The following RASGEF1A variants were observed in gnomAD, a reference collection of about 807,000 sequenced individuals.
The protein encoded by RASGEF1A is ras-GEF domain-containing family member 1A.
A neutral mutation model predicts 56.4 loss-of-function variants in RASGEF1A; 18 were observed. The ratio of observed to expected loss-of-function variants is 0.32; its 90% CI spans 0.22 to 0.47. The LOEUF is 0.47. RASGEF1A is among the 20% of genes least tolerant of loss of function. RASGEF1A has a pLI of 1.00. For synonymous variants in RASGEF1A, 245 were observed against 242.6 expected (o/e 1.01, Z -0.09); for missense variants, 422 against 627.1 (o/e 0.67, Z 3.49).
At chr10:43,201,701 A>C (rs1021497934) in intron 4 of RASGEF1A, 107 bp downstream of exon 4, 23 of 1,204,860 alleles carry the variant, frequency 1.9e-5, no homozygotes, top group Non-Finnish European at 2.5e-5. Flanking sequence ...TGGGGGAGTA[A>C]CATGGAAGGG....
At chr10:43,200,311 G>C in intron 5 of RASGEF1A, 55 bp from the exon 6 acceptor site, 1 of 1,453,236 alleles carries the variant, frequency 6.9e-7, no homozygotes, top group Non-Finnish European at 9.5e-7. Context: ...AGAAGGGACA[G>C]CACTGCATAG....
intron 1 of RASGEF1A, among the ~76,000 whole-genome samples, chr10:43,216,992 C>A (rs1268719850): frequency 4.6e-5 from 7 of 152,206 alleles, no homozygotes; most frequent in Non-Finnish European, 8.8e-5. Context: ...CCCTGCCAGT[C>A]CAGAGCTGCA....
At chr10:43,221,542 C>A (rs1045962129) in intron 1 of RASGEF1A, among the ~76,000 whole-genome samples, 22 of 152,232 alleles carry the variant, frequency 1.4e-4, no homozygotes, top group Non-Finnish European at 1.2e-4. Context: ...GGGCAACCAG[C>A]ACAGGGCTCC....
chr10:43,214,257 C>T (rs1840105832), intron 1 of RASGEF1A, among the ~76,000 whole-genome samples: 1 of 152,234 alleles, frequency 6.6e-6, no homozygotes, highest in Non-Finnish European at 1.5e-5. Context: ...CGTGCACCCA[C>T]TCATGTGTCC....
At chr10:43,200,134 C>T (rs1249218314) in intron 6 of RASGEF1A, 48 bp downstream of exon 6, 1 of 1,480,888 alleles carries the variant, frequency 6.8e-7, no homozygotes. Context: ...AGCGCAAGTG[C>T]TGGGCAGACA....
At chr10:43,264,576 C>T (rs1836590887) in intron 1 of RASGEF1A, among the ~76,000 whole-genome samples, 1 of 150,868 alleles carries the variant, frequency 6.6e-6, no homozygotes, top group Non-Finnish European at 1.5e-5. Flanking sequence ...TTACAGGAGG[C>T]AGATTGGAAG....
Position 43,206,078 on chromosome 10 carries a change from C to A in RASGEF1A, c.39G>T (p.Gly13=), listed in dbSNP as rs1839991562. The A allele has an allele frequency of 6.2e-7, 1 of 1,602,676 alleles. No homozygotes were observed. The highest frequency in any genetic ancestry group is 1.3e-5 in the African/African-American group (1 of 74,938). The change falls in exon 2 of 13, where the codon GGG becomes GGT. Residue 13 remains glycine (G), a synonymous_variant. Transcript: ENST00000395810. ...QTSVVFSSIL[G]PSCSGQVQPG... ...GCTGCACCTGTCCGCTACAGCTGGG[C>A]CCAAGGATGCTGGAGAAGACAACGG...
intron 1 of RASGEF1A, chr10:43,208,260 G>A: frequency 1.0e-6 from 1 of 985,466 alleles, no homozygotes; most frequent in Non-Finnish European, 1.2e-6. Context: ...CCGAGCCACT[G>A]GCCTCTCCCA....
intron 2 of RASGEF1A, among the ~76,000 whole-genome samples, chr10:43,204,202 ACT>A: frequency 6.6e-6 from 1 of 151,080 alleles, no homozygotes; most frequent in Middle Eastern, 3.5e-3. Flanking sequence ...TCCTAGAGGG[ACT>A]CTGCCCCACG....
At chr10:43,262,916 G>T (rs913746631) in intron 1 of RASGEF1A, among the ~76,000 whole-genome samples, 4 of 152,340 alleles carry the variant, frequency 2.6e-5, no homozygotes, top group Middle Eastern at 6.8e-3. Context: ...CTAGAGTGGG[G>T]TGTGCTAGAC....
At chr10:43,229,564 C>G (rs1041846794) in intron 1 of RASGEF1A, 3 of 1,303,254 alleles carry the variant, frequency 2.3e-6, no homozygotes, top group African/African-American at 1.5e-5. Flanking sequence ...AGGGGACCGT[C>G]GCACCCCTCC....
At chr10:43,256,628 CTCAG>C (rs1270452433) in intron 1 of RASGEF1A, among the ~76,000 whole-genome samples, 2 of 152,174 alleles carry the variant, frequency 1.3e-5, no homozygotes, top group Admixed American at 1.3e-4. Context: ...GACTCTGGAC[CTCAG>C]CCGCTTCCCC....
intron 1 of RASGEF1A, among the ~76,000 whole-genome samples, chr10:43,260,765 C>G (rs2133231683): frequency 6.6e-6 from 1 of 152,318 alleles, no homozygotes; most frequent in South Asian, 2.1e-4. Context: ...GCATGTAGCC[C>G]TCGACGGCCG....
chr10:43,252,981 C>G (rs1207453767), intron 1 of RASGEF1A, among the ~76,000 whole-genome samples: 1 of 152,226 alleles, frequency 6.6e-6, no homozygotes, highest in Admixed American at 6.5e-5. Context: ...CACCGCACCC[C>G]ACGCCTTCAG....
chr10:43,253,609 C>G (rs112482535), intron 1 of RASGEF1A, among the ~76,000 whole-genome samples: 3,657 of 152,306 alleles, frequency 0.024, 121 homozygotes, highest in African/African-American at 0.078. Context: ...GTGGCTGGCT[C>G]GGAGCTGTAG....
chr10:43,245,491 A>C (rs1259646409), intron 1 of RASGEF1A, among the ~76,000 whole-genome samples: 1 of 152,334 alleles, frequency 6.6e-6, no homozygotes, highest in East Asian at 1.9e-4. Flanking sequence ...ACTATAAACC[A>C]ATATAAACCA....
At chr10:43,214,449 C>T (rs1405790666) in intron 1 of RASGEF1A, among the ~76,000 whole-genome samples, 1 of 152,212 alleles carries the variant, frequency 6.6e-6, no homozygotes, top group Non-Finnish European at 1.5e-5. Context: ...CCACCCCGCC[C>T]CCCTTCGTAG....
intron 1 of RASGEF1A, among the ~76,000 whole-genome samples, chr10:43,217,368 G>T (rs775228090): frequency 3.3e-5 from 5 of 152,096 alleles, no homozygotes; most frequent in African/African-American, 1.2e-4. Flanking sequence ...CTCTTCCCAC[G>T]CCAGGGCTAC....
At chr10:43,229,179 A>C (rs1372168777) in intron 1 of RASGEF1A, among the ~76,000 whole-genome samples, 1 of 152,154 alleles carries the variant, frequency 6.6e-6, no homozygotes, top group African/African-American at 2.4e-5. Context: ...CGTGGGGCTC[A>C]CAAGGCACAG....
Sources: allele counts gnomAD v4.1 joint callset (sites outside exome capture counted in the v4.1 genomes callset), GRCh38; gene constraint gnomAD v4.1.1; transcripts MANE v1.5; gene names NCBI Gene and HGNC (gene_info 2026-07-23, HGNC 2026-07-21).